Variants in ATP13A5 observed in about 807,000 individuals in gnomAD.
ATP13A5 encodes the protein probable cation-transporting ATPase 13A5.
ATP13A5 carries 149 observed loss-of-function variants against 150.2 expected under a neutral mutation model. That is an observed-to-expected ratio of 0.99 (90% confidence interval 0.87 to 1.14). The LOEUF (loss-of-function observed/expected upper bound fraction) is 1.14. ATP13A5 is among the 50% of genes most tolerant of loss of function. The pLI, the probability that ATP13A5 is intolerant of heterozygous loss-of-function variation, is 0.00. For missense variants in ATP13A5, 1,383 were observed against 1,449.3 expected, an observed-to-expected ratio of 0.95 and a Z score of 0.74; for synonymous variants, 497 against 522.2, an observed-to-expected ratio of 0.95 and a Z score of 0.66.
chr3:193,338,753 T>C (rs888889870), intron 9 of ATP13A5, among the ~76,000 whole-genome samples: 8 of 152,194 alleles, frequency 5.3e-5, no homozygotes, highest in Non-Finnish European at 1.2e-4. Flanking sequence ...CCTCATAAAA[T>C]GAGTTAGGGA....
intron 1 of ATP13A5, among the ~76,000 whole-genome samples, chr3:193,373,677 A>C (rs1448205567): frequency 6.6e-6 from 1 of 152,110 alleles, no homozygotes. Flanking sequence ...CATATCTCGC[A>C]TGTGGCCCTC....
intron 17 of ATP13A5, among the ~76,000 whole-genome samples, chr3:193,318,398 T>G (rs1212733192): frequency 6.6e-6 from 1 of 152,184 alleles, no homozygotes; most frequent in Non-Finnish European, 1.5e-5. Context: ...TGAAGAACGT[T>G]GAAAGAAATA....
chr3:193,329,345 C>T (rs926054143), intron 12 of ATP13A5, among the ~76,000 whole-genome samples: 1 of 152,106 alleles, frequency 6.6e-6, no homozygotes, highest in Non-Finnish European at 1.5e-5. Context: ...TGTCACGTGT[C>T]ATCATGCCCT....
intron 29 of ATP13A5, 91 bp from the exon 30 acceptor site, chr3:193,275,393 G>A (rs552530843): frequency 6.9e-7 from 1 of 1,450,486 alleles, no homozygotes; most frequent in Non-Finnish European, 9.4e-7. Context: ...CTTTCCCCAG[G>A]CCTTCCTCTG....
intron 1 of ATP13A5, among the ~76,000 whole-genome samples, chr3:193,370,329 C>T (rs1186673896): frequency 1.3e-5 from 2 of 152,154 alleles, no homozygotes; most frequent in Non-Finnish European, 2.9e-5. Context: ...TCTTTATACC[C>T]CACCCTGTTG....
intron 1 of ATP13A5, among the ~76,000 whole-genome samples, chr3:193,369,032 C>G (rs1160044369): frequency 6.6e-6 from 1 of 152,076 alleles, no homozygotes; most frequent in African/African-American, 2.4e-5. Context: ...TTGCTTGAGG[C>G]CAGGAGTTCA....
Position 193,311,897 on chromosome 3 carries a change from T to C in ATP13A5, c.2364A>G (p.Glu788=), listed in dbSNP as rs766023378. The change falls in exon 20 of 30, where the codon GAA becomes GAG. Residue 788 remains glutamate (E), a synonymous_variant. Coordinates refer to ENST00000342358, the MANE Select transcript of ATP13A5 (RefSeq NM_198505.4). The stretch of plus-strand genomic sequence containing the variant: ...TTGCAAAATGGTAACAGCTTCCTCC[T>C]TCCCCACGAGGGGTTGAACTGTTTC... ...HTGNSSTPRG[E]GGSCYHFAMS... 1 of 1,613,954 alleles carries C rather than the reference T, an allele frequency of 6.2e-7. No homozygotes were observed.
intron 5 of ATP13A5, among the ~76,000 whole-genome samples, chr3:193,361,459 G>A (rs1560150182): frequency 6.6e-6 from 1 of 152,112 alleles, no homozygotes; most frequent in Non-Finnish European, 1.5e-5. Flanking sequence ...AGAATTATGA[G>A]GGTGGAGCTT....
chr3:193,307,366 A>G lies in ATP13A5; in HGVS notation c.2529T>C (p.Tyr843=), dbSNP rs966489052. The change falls in exon 22 of 30, where the codon TAT becomes TAC. Residue 843 remains tyrosine (Y), a synonymous_variant. Transcript: ENST00000342358. ...CTCCATCTCCACACATGCCCACATAATAACTGCGGGAGACAGGAGAAGAAG... is the reference window on the plus strand; with the variant it reads ...CTCCATCTCCACACATGCCCACATAGTAACTGCGGGAGACAGGAGAAGAAG... ...SLIEEFQKLN[Y]YVGMCGDGAN... The G allele has an allele frequency of 6.2e-7, 1 of 1,613,902 alleles. No individual in the cohort carries two copies. The highest frequency in any genetic ancestry group is 1.1e-5 in the South Asian group (1 of 91,062).
chr3:193,305,767 C>A, intron 22 of ATP13A5, 99 bp from the exon 23 acceptor site: 1 of 1,003,356 alleles, frequency 1.0e-6, no homozygotes, highest in Non-Finnish European at 1.6e-6. Flanking sequence ...AGGTATAACA[C>A]TGTACTGTTT....
At chr3:193,338,634 C>A (rs1711989542) in intron 9 of ATP13A5, among the ~76,000 whole-genome samples, 4 of 152,100 alleles carry the variant, frequency 2.6e-5, no homozygotes. Flanking sequence ...ATTTGGTTTG[C>A]CAGTATTTTA....
At chr3:193,377,141 G>C (rs1252716523) in intron 1 of ATP13A5, among the ~76,000 whole-genome samples, 1 of 152,182 alleles carries the variant, frequency 6.6e-6, no homozygotes, top group Non-Finnish European at 1.5e-5. Flanking sequence ...ACTAGTTAGA[G>C]AAGAATAAAG....
chr3:193,365,086 T>C (rs948428602), intron 1 of ATP13A5, among the ~76,000 whole-genome samples: 1 of 152,158 alleles, frequency 6.6e-6, no homozygotes, highest in Admixed American at 6.5e-5. Flanking sequence ...AAGCTAAATT[T>C]TCAGTGCATT....
chr3:193,374,436 A>G (rs1344652841), intron 1 of ATP13A5, among the ~76,000 whole-genome samples: 1 of 152,072 alleles, frequency 6.6e-6, no homozygotes, highest in Non-Finnish European at 1.5e-5. Flanking sequence ...TGAGCCCAGG[A>G]GTTTGAGACC....
At chr3:193,335,541 TC>T (rs1460679989) in intron 9 of ATP13A5, among the ~76,000 whole-genome samples, 1 of 152,174 alleles carries the variant, frequency 6.6e-6, no homozygotes, top group Non-Finnish European at 1.5e-5. Flanking sequence ...CTTATTCTGT[TC>T]CAGGAACTGT....
chr3:193,350,334 T>C (rs2108890088), intron 7 of ATP13A5, among the ~76,000 whole-genome samples: 1 of 152,248 alleles, frequency 6.6e-6, no homozygotes, highest in African/African-American at 2.4e-5. Flanking sequence ...CTTATAATAA[T>C]CATTCTTAAG....
intron 21 of ATP13A5, among the ~76,000 whole-genome samples, chr3:193,310,354 G>T (rs1208284583): frequency 6.6e-6 from 1 of 152,168 alleles, no homozygotes; most frequent in Non-Finnish European, 1.5e-5. Context: ...CTTTATGGTA[G>T]AATGATTTAT....
In ATP13A5 at chr3:193,335,170, T is replaced by G. The variant is rs969041976; in HGVS notation, c.944-71A>C. ...TGGTCAGAACTGGTGCATGCCAGTTTCAAGAAATTATACAAACCACAACTA... is the reference window on the plus strand; with the variant it reads ...TGGTCAGAACTGGTGCATGCCAGTTGCAAGAAATTATACAAACCACAACTA... On this transcript the variant is annotated intron_variant, in intron 9 of 29. Transcript: ENST00000342358. 4.2e-6 allele frequency: 6 copies of G among 1,445,366 alleles called. No individual in the cohort carries two copies. In the African/African-American group the frequency reaches 8.4e-5, roughly 20 times the overall value. 89.5% of individuals were successfully genotyped at this position (1,445,366 alleles called of 1,614,324 possible).
intron 27 of ATP13A5, among the ~76,000 whole-genome samples, chr3:193,279,998 A>AAAAAG: frequency 6.7e-6 from 1 of 150,262 alleles, no homozygotes; most frequent in Non-Finnish European, 1.5e-5. Flanking sequence ...AAAAAAAAAA[A>AAAAAG]AAAAAGCCCT....
Sources: allele counts gnomAD v4.1 joint callset (sites outside exome capture counted in the v4.1 genomes callset), GRCh38; gene constraint gnomAD v4.1.1; transcripts MANE v1.5; gene names NCBI Gene and HGNC (gene_info 2026-07-23, HGNC 2026-07-21).